The following RALGPS2 variants were observed in gnomAD, a reference collection of about 807,000 sequenced individuals.
RALGPS2 encodes Ral GEF with PH domain and SH3 binding motif 2.
In RALGPS2, 43 loss-of-function variants were observed where a neutral mutation model predicts 86.8. That is an observed-to-expected ratio of 0.50 (90% CI 0.39 to 0.64). The LOEUF (loss-of-function observed/expected upper bound fraction) is 0.64, where lower values mean the gene tolerates loss of function less well. Ranked by LOEUF, RALGPS2 falls within the 30% of genes least tolerant of loss-of-function variation. The probability of loss-of-function intolerance (pLI) is 0.00; values close to 1 mark genes in which losing one functional copy is unlikely to be tolerated. For synonymous variants in RALGPS2, 243 were observed against 231.3 expected (o/e 1.05, Z -0.46); for missense variants, 536 against 694.6 (o/e 0.77, Z 2.57).
chr1:178,888,386 T>C (rs1052685428), intron 13 of RALGPS2, among the ~76,000 whole-genome samples: 2 of 152,190 alleles, frequency 1.3e-5, no homozygotes, highest in African/African-American at 2.4e-5. Context: ...CAGTGAAGGC[T>C]TTGAAAATAC....
intron 1 of RALGPS2, among the ~76,000 whole-genome samples, chr1:178,763,163 G>C (rs899316547): frequency 9.2e-5 from 14 of 152,128 alleles, no homozygotes; most frequent in African/African-American, 3.4e-4. Context: ...TAGGTGTATG[G>C]CCTTATTTTT....
intron 1 of RALGPS2, chr1:178,746,702 G>T: frequency 1.3e-6 from 1 of 774,892 alleles, no homozygotes; most frequent in Non-Finnish European, 2.4e-6. Context: ...TGTCAATCTT[G>T]GCCTTTTTCT....
At chr1:178,755,926 C>A (rs1651937071) in intron 1 of RALGPS2, among the ~76,000 whole-genome samples, 1 of 152,184 alleles carries the variant, frequency 6.6e-6, no homozygotes, top group South Asian at 2.1e-4. Context: ...ATTTGCATTT[C>A]CCTAATGATT....
intron 1 of RALGPS2, among the ~76,000 whole-genome samples, chr1:178,727,824 G>C (rs1650114212): frequency 6.6e-6 from 1 of 152,108 alleles, no homozygotes; most frequent in South Asian, 2.1e-4. Flanking sequence ...CACAACAGGG[G>C]AGACACAACA....
At chr1:178,794,906 G>A (rs1209282520) in intron 4 of RALGPS2, among the ~76,000 whole-genome samples, 4 of 152,288 alleles carry the variant, frequency 2.6e-5, no homozygotes, top group South Asian at 2.1e-4. Context: ...TAGGCTGGGC[G>A]TGGTGGCTAA....
intron 17 of RALGPS2, among the ~76,000 whole-genome samples, chr1:178,899,535 T>G (rs1375402045): frequency 1.3e-5 from 2 of 151,716 alleles, no homozygotes; most frequent in African/African-American, 2.4e-5. Flanking sequence ...ACAAATAAAT[T>G]GGAGGAAAAT....
At chr1:178,770,666 A>G (rs1009914314) in intron 1 of RALGPS2, among the ~76,000 whole-genome samples, 1 of 151,580 alleles carries the variant, frequency 6.6e-6, no homozygotes, top group African/African-American at 2.4e-5. Flanking sequence ...TAGTAGAGAC[A>G]GGGTTTCACC....
chr1:178,772,600 A>G (rs1652862148), intron 1 of RALGPS2, among the ~76,000 whole-genome samples: 1 of 152,012 alleles, frequency 6.6e-6, no homozygotes, highest in Non-Finnish European at 1.5e-5. Context: ...CTCTTCTACA[A>G]GTTGTTTAGT....
At chr1:178,855,288 G>A (rs908845319) in intron 8 of RALGPS2, among the ~76,000 whole-genome samples, 3 of 144,810 alleles carry the variant, frequency 2.1e-5, no homozygotes, top group Non-Finnish European at 4.4e-5. Context: ...GTTCCGTGAG[G>A]ACAGAGACTT....
At chr1:178,746,981 A>G (rs1414343750) in intron 1 of RALGPS2, 6 of 970,312 alleles carry the variant, frequency 6.2e-6, no homozygotes, top group Middle Eastern at 2.5e-4. Flanking sequence ...AGTTCTTTCC[A>G]TCGTTTCTGT....
intron 7 of RALGPS2, among the ~76,000 whole-genome samples, chr1:178,831,484 T>C (rs1656014562): frequency 1.3e-5 from 2 of 152,070 alleles, no homozygotes; most frequent in African/African-American, 4.8e-5. Flanking sequence ...GTGTTAGATA[T>C]CTGGTCAGGA....
intron 4 of RALGPS2, among the ~76,000 whole-genome samples, chr1:178,800,420 G>C (rs1384407451): frequency 2.0e-5 from 3 of 151,964 alleles, no homozygotes; most frequent in African/African-American, 7.3e-5. Flanking sequence ...TGCCACCACT[G>C]AGACAACAAG....
chr1:178,809,585 C>A (rs1361403506), intron 5 of RALGPS2, among the ~76,000 whole-genome samples: 1 of 151,694 alleles, frequency 6.6e-6, no homozygotes, highest in Admixed American at 6.6e-5. Context: ...AGCAAAAATA[C>A]TTTTTCTTGT....
intron 19 of RALGPS2, among the ~76,000 whole-genome samples, chr1:178,909,144 C>A (rs1265835932): frequency 1.3e-5 from 2 of 152,164 alleles, no homozygotes; most frequent in African/African-American, 2.4e-5. Context: ...ATCCTAGCAG[C>A]ATATTGAATA....
rs114222276 is a variant in RALGPS2, at chr1:178,853,033, C to G, written c.607+19483C>G. ...TTTTTACAGAGCAGTGTTAAACATT[C>G]GATAGCATAAAGATACTGGCCATTT... is the stretch of plus-strand genomic sequence containing the variant. On this transcript the variant is annotated intron_variant, in intron 8 of 19. Transcript: ENST00000367635. 1.1e-3 allele frequency: 1,582 copies of G among 1,504,514 alleles called. 19 individuals are homozygous for G. The African/African-American group carries it at 0.02, about 19-fold the overall frequency. 93.2% of individuals were successfully genotyped at this position (1,504,514 alleles called of 1,614,324 possible). A position where few individuals can be genotyped will look rare whatever the true frequency, so the allele number is the denominator to read the frequency against.
At chr1:178,731,272 G>GTTTTTTGT (rs1650333524) in intron 1 of RALGPS2, among the ~76,000 whole-genome samples, 1 of 57,946 alleles carries the variant, frequency 1.7e-5, no homozygotes, top group African/African-American at 6.7e-5. Context: ...AGTTGTTTTG[G>GTTTTTTGT]TTTTTTTTTT....
intron 4 of RALGPS2, among the ~76,000 whole-genome samples, chr1:178,789,834 T>C (rs1212747381): frequency 6.6e-6 from 1 of 152,200 alleles, no homozygotes; most frequent in Non-Finnish European, 1.5e-5. Flanking sequence ...TAGTGGAAGC[T>C]CAATATTTAG....
intron 7 of RALGPS2, among the ~76,000 whole-genome samples, chr1:178,832,284 T>C (rs925111930): frequency 1.7e-4 from 26 of 152,314 alleles, no homozygotes; most frequent in African/African-American, 5.8e-4. Flanking sequence ...GGAGCGATAC[T>C]GTTGAGACAT....
In RALGPS2 at chr1:178,833,855, G is replaced by T. The variant is rs148664942; in HGVS notation, c.607+305G>T. ...ATGCTTTTAAAGAATATAATAGTTCGTAATGATGTTTAATACATTAAGGAA... is the reference window on the plus strand; with the variant it reads ...ATGCTTTTAAAGAATATAATAGTTCTTAATGATGTTTAATACATTAAGGAA... On this transcript the variant is annotated intron_variant, in intron 8 of 19. Transcript: ENST00000367635. Among the ~76,000 whole-genome samples, 25 of 152,172 alleles carry T rather than the reference G, an allele frequency of 1.6e-4. No individual in the cohort carries two copies. The East Asian group carries it at 4.6e-3, about 28-fold the overall frequency.
Sources: gnomAD v4.1 joint callset for allele counts (sites outside exome capture counted in the v4.1 genomes callset) on GRCh38, gnomAD v4.1.1 for gene constraint, MANE v1.5 for transcripts, NCBI Gene and HGNC (gene_info 2026-07-23, HGNC 2026-07-21) for gene names.